The following SCGB3A2 variants were observed in gnomAD, a reference collection of about 807,000 sequenced individuals.
The protein encoded by SCGB3A2 is pneumo secretory protein 1.
A neutral mutation model predicts 7.7 loss-of-function variants in SCGB3A2; 5 were observed. That is an observed-to-expected ratio of 0.65 (90% CI 0.34 to 1.36). SCGB3A2 has a LOEUF of 1.36. Among genes scored for constraint, SCGB3A2 ranks in the 40% most tolerant of loss-of-function variants. The pLI is 0.04. For missense variants in SCGB3A2, 109 were observed against 103.6 expected (o/e 1.05, Z -0.23); for synonymous variants, 44 against 42.7 (o/e 1.03, Z -0.12).
intron 1 of SCGB3A2, among the ~76,000 whole-genome samples, chr5:147,879,147 T>A (rs1469203173): frequency 1.3e-5 from 2 of 152,200 alleles, no homozygotes; most frequent in Non-Finnish European, 2.9e-5. Flanking sequence ...GTTAGCCAAC[T>A]TCCACGGAGG....
chr5:147,882,185 G>T lies in SCGB3A2; in HGVS notation c.*135G>T, dbSNP rs574240598. On this transcript the variant is annotated 3_prime_UTR_variant, in exon 3 of 3. Transcript: ENST00000296694. ...CCGTGAAAAGGACAAATAAAGCAAT[G>T]AATACATTTTCAGTCGTCCTATTTT... is the stretch of plus-strand genomic sequence containing the variant. 3.1e-4 allele frequency: 264 copies of T among 859,052 alleles called. 1 individual carries two copies. The South Asian group carries it at 3.7e-3, about 12-fold the overall frequency. 53.2% of individuals were successfully genotyped at this position (859,052 alleles called of 1,614,324 possible). A position where few individuals can be genotyped will look rare whatever the true frequency, so the allele number is the denominator to read the frequency against.
Position 147,881,634 on chromosome 5 carries a change from G to A in SCGB3A2, c.244G>A (p.Val82Met), listed in dbSNP as rs1446763887. The A allele has an allele frequency of 1.3e-5, 21 of 1,613,386 alleles. No individual in the cohort carries two copies. The highest frequency in any genetic ancestry group is 1.6e-5 in the Non-Finnish European group (19 of 1,179,756). The change falls in exon 2 of 3, where the codon GTG becomes ATG. Residue 82 changes from valine (V) to methionine (M), a missense_variant. Val to Met is a conservative substitution (Grantham distance 21, BLOSUM62 1). Transcript: ENST00000296694. The stretch of plus-strand genomic sequence containing the variant: ...GCTGGGACCAGAGGCTTCTGAAGCT[G>A]TGAAGAAACTGCTGGTAACCACAGC... ...NELGPEASEA[V>M]KKLLEALSHL...
In SCGB3A2 at chr5:147,878,810, C is replaced by T. The variant is rs1345286029; in HGVS notation, c.7C>T (p.Leu3=). Residue 3 remains leucine (L), a synonymous_variant, in exon 1 of 3, where the codon CTG becomes TTG. Transcript: ENST00000296694. MK[L]VTIFLLVTIS... ...AATATCCCAGATAACTGTCATGAAG[C>T]TGGTAACTATCTTCCTGCTGGTGAC... is the stretch of plus-strand genomic sequence containing the variant. 1 of 1,612,522 alleles carries T rather than the reference C, an allele frequency of 6.2e-7. No individual in the cohort carries two copies. Among genetic ancestry groups the T allele is most frequent in the Non-Finnish European group, 8.5e-7 (1 of 1,178,614 alleles).
At chr5:147,881,921 C>T (rs3910207) in intron 2 of SCGB3A2, 106 bp from the exon 3 acceptor site, 182,836 of 1,235,692 alleles carry the variant, frequency 0.15, 16,032 homozygotes, top group Admixed American at 0.35. Flanking sequence ...TTTTGTTTCC[C>T]CATCAGTAAA....
At chr5:147,878,926 A>ACCACCATATTCCACT (rs1757302826) in intron 1 of SCGB3A2, 68 bp downstream of exon 1, 2 of 1,141,088 alleles carry the variant, frequency 1.8e-6, no homozygotes, top group East Asian at 4.7e-5. Context: ...GAGCACAACT[A>ACCACCATATTCCACT]GTAAGCCTTG....
At position 147,882,041 on chromosome 5, in the gene SCGB3A2, C is replaced by T; in HGVS notation, c.273C>T (p.His91=). 6.2e-7 allele frequency: 1 copy of T among 1,613,874 alleles called. No homozygotes were observed. The highest frequency in any genetic ancestry group is 8.5e-7 in the Non-Finnish European group (1 of 1,179,826). ...AVKKLLEALS[H]LV The stretch of plus-strand genomic sequence containing the variant: ...CTACATTTCAGGAGGCGCTATCACA[C>T]TTGGTGTGACATCAAGATAAAGAGC... The change falls in exon 3 of 3, where the codon CAC becomes CAT. Residue 91 remains histidine (H), a synonymous_variant. Coordinates refer to ENST00000296694, the MANE Select transcript of SCGB3A2 (RefSeq NM_054023.5).
chr5:147,881,296 G>A, intron 1 of SCGB3A2, 150 bp from the exon 2 acceptor site: 1 of 653,378 alleles, frequency 1.5e-6, no homozygotes, highest in South Asian at 1.9e-5. Context: ...AGATGGAACA[G>A]CAGGTGCAAA....
Position 147,881,648 on chromosome 5 carries a change from G to T in SCGB3A2, c.258G>T (p.Leu86=). 6.2e-7 allele frequency: 1 copy of T among 1,612,638 alleles called. No homozygotes were observed. The highest frequency in any genetic ancestry group is 8.5e-7 in the Non-Finnish European group (1 of 1,179,270). Residue 86 remains leucine, a splice_region_variant and synonymous_variant, in exon 2 of 3, where the codon CTG becomes CTT. Coordinates refer to ENST00000296694, the MANE Select transcript of SCGB3A2 (RefSeq NM_054023.5). ...PEASEAVKKL[L]EALSHLV ...CTTCTGAAGCTGTGAAGAAACTGCT[G>T]GTAACCACAGCTTGGGAGGCTAATC...
intron 1 of SCGB3A2, among the ~76,000 whole-genome samples, chr5:147,879,321 T>A (rs1412434280): frequency 2.0e-5 from 3 of 152,260 alleles, no homozygotes; most frequent in African/African-American, 7.2e-5. Flanking sequence ...AGCTTGGTTC[T>A]CCTGAGATAG....
intron 1 of SCGB3A2, among the ~76,000 whole-genome samples, chr5:147,879,608 G>C (rs1482588359): frequency 6.6e-6 from 1 of 152,178 alleles, no homozygotes; most frequent in African/African-American, 2.4e-5. Context: ...TCTTGGAGGA[G>C]AATGGGAACT....
rs556241547 is a variant in SCGB3A2 at position 147,881,481 on chromosome 5, G to C, written c.91G>C (p.Val31Leu). 1 of 1,614,000 alleles carries C rather than the reference G, an allele frequency of 6.2e-7. No homozygotes were observed. Among genetic ancestry groups the C allele is most frequent in the Non-Finnish European group, 8.5e-7 (1 of 1,179,924 alleles). The change falls in exon 2 of 3, where the codon GTT becomes CTT. Residue 31 changes from valine to leucine, a missense_variant. Coordinates refer to ENST00000296694, the MANE Select transcript of SCGB3A2 (RefSeq NM_054023.5). ...AFLINKVPLP[V>L]DKLAPLPLDN... is the part of the protein sequence containing the mutation. ...CCTCATCAACAAAGTGCCCCTTCCT[G>C]TTGACAAGTTGGCACCTTTACCTCT...
chr5:147,881,241 G>A (rs975741002), intron 1 of SCGB3A2: 7 of 564,050 alleles, frequency 1.2e-5, no homozygotes, highest in African/African-American at 1.1e-4. Flanking sequence ...CAAATAATGT[G>A]AGAAAGAAAG....
Position 147,878,912 on chromosome 5 carries a change from A to C in SCGB3A2, c.55+54A>C, listed in dbSNP as rs1012931828. 3.9e-6 allele frequency: 5 copies of C among 1,278,164 alleles called. No individual in the cohort carries two copies. The African/African-American group carries it at 7.3e-5, about 19-fold the overall frequency. 79.2% of individuals were successfully genotyped at this position (1,278,164 alleles called of 1,614,324 possible). A position where few individuals can be genotyped will look rare whatever the true frequency, so the allele number is the denominator to read the frequency against. On this transcript the variant is annotated intron_variant, in intron 1 of 2. Transcript: ENST00000296694. ...GTGACATTTCTTTACTTTTCTGTTA[A>C]TAAGAGCACAACTAGTAAGCCTTGC...
chr5:147,879,364 T>G (rs775550683), intron 1 of SCGB3A2, among the ~76,000 whole-genome samples: 4 of 152,246 alleles, frequency 2.6e-5, no homozygotes, highest in African/African-American at 4.8e-5. Context: ...TCAATGGATA[T>G]TTATTGAATG....
At chr5:147,880,752 A>G (rs1387434858) in intron 1 of SCGB3A2, 1 of 152,392 alleles carries the variant, frequency 6.6e-6, no homozygotes, top group African/African-American at 2.4e-5. Context: ...CACCAACTGG[A>G]CTGTGTGAAG....
intron 2 of SCGB3A2, 48 bp from the exon 3 acceptor site, chr5:147,881,979 G>A (rs548054595): frequency 3.0e-5 from 48 of 1,597,232 alleles, no homozygotes; most frequent in South Asian, 1.1e-4. Flanking sequence ...TGAAACATGC[G>A]AATTACATGT....
At position 147,882,057 on chromosome 5, in the gene SCGB3A2, G is replaced by C; in HGVS notation, c.*7G>C. ...GCTATCACACTTGGTGTGACATCAA[G>C]ATAAAGAGCGGAGGTGGATGGGGAT... is the stretch of plus-strand genomic sequence containing the variant. On this transcript the variant is annotated 3_prime_UTR_variant, in exon 3 of 3. Transcript: ENST00000296694. The C allele has an allele frequency of 1.9e-6, 3 of 1,613,818 alleles. No individual in the cohort carries two copies. Among genetic ancestry groups the C allele is most frequent in the Non-Finnish European group, 2.5e-6 (3 of 1,179,772 alleles).
intron 1 of SCGB3A2, 97 bp downstream of exon 1, chr5:147,878,955 A>G (rs1391664489): frequency 1.0e-5 from 8 of 800,762 alleles, no homozygotes; most frequent in Non-Finnish European, 1.7e-5. Flanking sequence ...ACAGTGGAAT[A>G]TGGTGGTAGG....
Position 147,881,648 on chromosome 5 carries a change from G to A in SCGB3A2, c.258G>A (p.Leu86=). ...PEASEAVKKL[L]EALSHLV ...CTTCTGAAGCTGTGAAGAAACTGCT[G>A]GTAACCACAGCTTGGGAGGCTAATC... The change falls in exon 2 of 3, where the codon CTG becomes CTA. Residue 86 remains leucine, a splice_region_variant and synonymous_variant. Coordinates refer to ENST00000296694, the MANE Select transcript of SCGB3A2 (RefSeq NM_054023.5). 1 of 1,612,638 alleles carries A rather than the reference G, an allele frequency of 6.2e-7. No individual in the cohort carries two copies. The highest frequency in any genetic ancestry group is 8.5e-7 in the Non-Finnish European group (1 of 1,179,270).
Sources: gnomAD v4.1 joint callset for allele counts (sites outside exome capture counted in the v4.1 genomes callset) on GRCh38, gnomAD v4.1.1 for gene constraint, MANE v1.5 for transcripts, NCBI Gene and HGNC (gene_info 2026-07-23, HGNC 2026-07-21) for gene names.